The following VCP variants were observed in gnomAD, a reference collection of about 807,000 sequenced individuals.
VCP encodes transitional endoplasmic reticulum ATPase.
VCP carries 6 observed loss-of-function variants against 85.7 expected under a neutral mutation model. The observed-to-expected ratio is 0.07, with a 90% CI of 0.04 to 0.14. The LOEUF (loss-of-function observed/expected upper bound fraction) is 0.14. VCP is among the 10% of genes least tolerant of loss of function. VCP has a pLI of 1.00. For synonymous variants in VCP, 384 were observed against 367.1 expected (o/e 1.05, Z -0.53); for missense variants, 353 against 1,043.4 (o/e 0.34, Z 9.12).
rs1398452987 is a variant in VCP at position 35,068,320 on chromosome 9, C to G, written c.60G>C (p.Lys20Asn). 6.2e-7 allele frequency: 1 copy of G among 1,614,228 alleles called. No individual in the cohort carries two copies. Residue 20 changes from lysine (K) to asparagine (N), a missense_variant, in exon 2 of 17, where the codon AAG (lysine) becomes AAC (asparagine). Lys to Asn is a moderately conservative substitution (Grantham distance 94). Coordinates refer to ENST00000358901, the MANE Select transcript of VCP (RefSeq NM_007126.5). ...CAACAATTAACCGATTGGGACGGTT[C>G]TTCTGTTTGAGAATGGCTGTTGATA... The part of the protein sequence containing the change: ...DDLSTAILKQ[K>N]NRPNRLIVDE...
chr9:35,070,577 G>C (rs1027712246), intron 1 of VCP, among the ~76,000 whole-genome samples: 2 of 152,104 alleles, frequency 1.3e-5, no homozygotes, highest in Non-Finnish European at 2.9e-5. Context: ...GGGACTACAG[G>C]TGTGCACCAT....
intron 3 of VCP, 113 bp downstream of exon 3, chr9:35,067,778 C>G (rs1828861442): frequency 1.4e-6 from 2 of 1,394,914 alleles, no homozygotes; most frequent in Admixed American, 3.8e-5. Flanking sequence ...CAGGAGGCTT[C>G]CTGCATCGAC....
chr9:35,066,595 AG>A, intron 4 of VCP, 79 bp downstream of exon 4: 1 of 1,508,920 alleles, frequency 6.6e-7, no homozygotes, highest in Non-Finnish European at 8.9e-7. Context: ...AAAAAAAAAA[AG>A]AAAAAGAAAA....
intron 1 of VCP, among the ~76,000 whole-genome samples, chr9:35,071,238 C>G (rs368988697): frequency 1.0e-4 from 15 of 146,574 alleles, no homozygotes; most frequent in Non-Finnish European, 2.1e-4. Flanking sequence ...CCTCAAAAAA[C>G]TAATCTCTTC....
intron 16 of VCP, 48 bp from the exon 17 acceptor site, chr9:35,057,270 G>GT (rs1203618369): frequency 9.9e-6 from 16 of 1,613,578 alleles, no homozygotes; most frequent in Admixed American, 1.7e-5. Flanking sequence ...CAGGGCCTGT[G>GT]TAAGATTTCC....
At chr9:35,064,964 T>C (rs2131036169) in intron 5 of VCP, among the ~76,000 whole-genome samples, 1 of 152,244 alleles carries the variant, frequency 6.6e-6, no homozygotes, top group Admixed American at 6.5e-5. Flanking sequence ...GACTCCTGGG[T>C]TCAACCGATT....
chr9:35,066,909 A>C, intron 3 of VCP, 92 bp from the exon 4 acceptor site: 2 of 1,599,578 alleles, frequency 1.3e-6, no homozygotes, highest in Non-Finnish European at 1.7e-6. Context: ...AGCTGATAGT[A>C]AGTGAAAAAG....
intron 3 of VCP, among the ~76,000 whole-genome samples, chr9:35,067,226 C>T (rs1402116870): frequency 6.6e-6 from 1 of 152,174 alleles, no homozygotes; most frequent in Non-Finnish European, 1.5e-5. Context: ...TGACTAAGCA[C>T]TCCCAAGAAG....
chr9:35,065,166 C>T (rs1375019234), intron 5 of VCP, 85 bp downstream of exon 5: 3 of 1,603,122 alleles, frequency 1.9e-6, no homozygotes, highest in Non-Finnish European at 2.6e-6. Context: ...CCGCAGCCGG[C>T]CGAGCACCCA....
intron 6 of VCP, among the ~76,000 whole-genome samples, chr9:35,063,625 T>C (rs1418559721): frequency 1.3e-5 from 2 of 152,162 alleles, no homozygotes; most frequent in African/African-American, 4.8e-5. Context: ...AATGAAATTA[T>C]TTGTGTGCCA....
intron 1 of VCP, chr9:35,071,647 T>C (rs968866497): frequency 4.2e-5 from 40 of 947,660 alleles, no homozygotes; most frequent in Non-Finnish European, 4.5e-5. Context: ...TGGCTCAAAC[T>C]TTCTAGTATG....
chr9:35,064,119 A>C, intron 6 of VCP, 35 bp downstream of exon 6: 1 of 1,613,906 alleles, frequency 6.2e-7, no homozygotes, highest in Non-Finnish European at 8.5e-7. Flanking sequence ...CATTGGCACC[A>C]CTTTAGACTT....
Position 35,068,025 on chromosome 9 carries a change from T to A in VCP, c.168A>T (p.Thr56=), listed in dbSNP as rs1373925196. The change falls in exon 3 of 17, where the codon ACA becomes ACT. Residue 56 remains threonine (T), a synonymous_variant. Coordinates refer to ENST00000358901, the MANE Select transcript of VCP (RefSeq NM_007126.5). ...GTCTCTTCTTTCCTTTCAGCAACACTGTGTCACCTCGGAACAACTGCAATT... is the reference window on the plus strand; with the variant it reads ...GTCTCTTCTTTCCTTTCAGCAACACAGTGTCACCTCGGAACAACTGCAATT... ...MDELQLFRGD[T]VLLKGKKRRE... 1 of 1,614,248 alleles carries A rather than the reference T, an allele frequency of 6.2e-7. No individual in the cohort carries two copies. Among genetic ancestry groups the A allele is most frequent in the South Asian group, 1.1e-5 (1 of 91,088 alleles).
chr9:35,060,263 T>C lies in VCP; in HGVS notation c.1695+50A>G, dbSNP rs745794060. ...CCCTCTTAAAGAAAAACAGCCTCTA[T>C]TCCTTGCCCTCAGGCAAATCAATAC... is the stretch of plus-strand genomic sequence containing the variant. On this transcript the variant is annotated intron_variant, in intron 13 of 16. Transcript: ENST00000358901. 3.8e-6 allele frequency: 6 copies of C among 1,595,132 alleles called. No homozygotes were observed. The East Asian group carries it at 1.3e-4, about 36-fold the overall frequency.
chr9:35,068,597 A>G (rs938405132), intron 1 of VCP, among the ~76,000 whole-genome samples: 2 of 152,188 alleles, frequency 1.3e-5, no homozygotes, highest in African/African-American at 4.8e-5. Flanking sequence ...TAAGGCCCCA[A>G]GTGAGTGATC....
In VCP at chr9:35,057,101, C is replaced by T. The variant is rs1179832824; in HGVS notation, c.*16G>A. ...GGTCCAGGCAGGCCAGCTCACTGCACGCTGGCCACCACCACTTAGCCATAC... is the reference window on the plus strand; with the variant it reads ...GGTCCAGGCAGGCCAGCTCACTGCATGCTGGCCACCACCACTTAGCCATAC... On this transcript the variant is annotated 3_prime_UTR_variant, in exon 17 of 17. Coordinates refer to ENST00000358901, the MANE Select transcript of VCP (RefSeq NM_007126.5). 6 of 1,611,586 alleles carry T rather than the reference C, an allele frequency of 3.7e-6. No individual in the cohort carries two copies. Among genetic ancestry groups the T allele is most frequent in the Non-Finnish European group, 3.4e-6 (4 of 1,177,928 alleles).
At chr9:35,068,426 T>C in intron 1 of VCP, 64 bp from the exon 2 acceptor site, 2 of 1,388,238 alleles carry the variant, frequency 1.4e-6, no homozygotes, top group Admixed American at 1.7e-5. Flanking sequence ...TCTCTAAAAC[T>C]CATACTTAGG....
At position 35,062,985 on chromosome 9, in the gene VCP, C is replaced by T. The variant is rs369094157; in HGVS notation, c.804G>A (p.Leu268=). Residue 268 remains leucine, a synonymous_variant, in exon 7 of 17, where the codon TTG becomes TTA. Coordinates refer to ENST00000358901, the MANE Select transcript of VCP (RefSeq NM_007126.5). ...VANETGAFFF[L]INGPEIMSKL... is the part of the protein sequence containing the mutation. The stretch of plus-strand genomic sequence containing the variant: ...ATGAACCAAATATCTCACCATTGAT[C>T]AAGAAGAAGAAGGCTCCAGTCTCAT... The T allele has an allele frequency of 3.1e-6, 5 of 1,612,008 alleles. No individual in the cohort carries two copies. In the African/African-American group the frequency reaches 5.3e-5, roughly 17 times the overall value.
rs548094708 is a variant in VCP at position 35,056,987 on chromosome 9, G to A, written c.*130C>T. 1.1e-5 allele frequency: 10 copies of A among 893,878 alleles called. No individual in the cohort carries two copies. The highest frequency in any genetic ancestry group is 5.3e-5 in the South Asian group (4 of 75,292). 55.4% of individuals were successfully genotyped at this position (893,878 alleles called of 1,614,324 possible). On this transcript the variant is annotated 3_prime_UTR_variant, in exon 17 of 17. Coordinates refer to ENST00000358901, the MANE Select transcript of VCP (RefSeq NM_007126.5). ...ACCCCCTGTCCAGAGTCAGACTGTA[G>A]CTGAACTGTTCAGACTGGAGAATGG...
Sources: gnomAD v4.1 joint callset for allele counts (sites outside exome capture counted in the v4.1 genomes callset) on GRCh38, gnomAD v4.1.1 for gene constraint, MANE v1.5 for transcripts, NCBI Gene and HGNC (gene_info 2026-07-23, HGNC 2026-07-21) for gene names.